LMBR1: variants seen among roughly 807,000 people sequenced by gnomAD.
The protein encoded by LMBR1 is limb region 1 protein homolog.
A neutral mutation model predicts 73.9 loss-of-function variants in LMBR1; 52 were observed. The ratio of observed to expected loss-of-function variants is 0.70; its 90% CI spans 0.56 to 0.89. The LOEUF is 0.89. Among genes scored for constraint, LMBR1 ranks in the 40% least tolerant of loss-of-function variants. LMBR1 has a pLI of 0.00. For missense variants in LMBR1, 539 were observed against 579.8 expected (o/e 0.93, Z 0.72); for synonymous variants, 215 against 209.4 (o/e 1.03, Z -0.23).
chr7:156,767,167 G>A (rs549250432), intron 5 of LMBR1, among the ~76,000 whole-genome samples: 10 of 152,186 alleles, frequency 6.6e-5, no homozygotes, highest in East Asian at 1.9e-4. Context: ...TGTAAAAGCC[G>A]TACAGACCCC....
chr7:156,817,492 CAG>C (rs72370655), intron 4 of LMBR1, among the ~76,000 whole-genome samples: 1,794 of 146,338 alleles, frequency 0.012, 46 homozygotes, highest in African/African-American at 0.04. Context: ...TAAAAAGAGA[CAG>C]AGAGAGAGAG....
intron 4 of LMBR1, among the ~76,000 whole-genome samples, chr7:156,805,195 C>CT (rs1298906960): frequency 6.9e-6 from 1 of 144,322 alleles, no homozygotes. Context: ...ATCTGTTTAT[C>CT]TTTATGCTAA....
intron 16 of LMBR1, among the ~76,000 whole-genome samples, chr7:156,686,765 G>T (rs1239519573): frequency 6.6e-6 from 1 of 152,192 alleles, no homozygotes; most frequent in Non-Finnish European, 1.5e-5. Context: ...CTCATTTAGC[G>T]AATGGAAAGT....
chr7:156,872,310 T>C (rs1276139830), intron 1 of LMBR1: 1 of 151,960 alleles, frequency 6.6e-6, no homozygotes, highest in Non-Finnish European at 1.5e-5. Flanking sequence ...AAAAGGAAAT[T>C]AGTAAAACAA....
At chr7:156,718,325 A>G (rs1246047613) in intron 15 of LMBR1, among the ~76,000 whole-genome samples, 3 of 151,768 alleles carry the variant, frequency 2.0e-5, no homozygotes, top group Non-Finnish European at 1.5e-5. Context: ...ACTTGAACCC[A>G]GGAGGCAGAG....
intron 16 of LMBR1, among the ~76,000 whole-genome samples, chr7:156,686,860 T>C (rs1402500309): frequency 6.6e-6 from 1 of 152,220 alleles, no homozygotes; most frequent in African/African-American, 2.4e-5. Context: ...AGACATCTGA[T>C]AAAAAGGACT....
intron 4 of LMBR1, among the ~76,000 whole-genome samples, chr7:156,804,093 T>C (rs1444356641): frequency 2.0e-5 from 3 of 151,946 alleles, no homozygotes; most frequent in Admixed American, 2.0e-4. Context: ...TGTATACATA[T>C]GTAACAAGCC....
chr7:156,892,563 C>CTGGG (rs1803251481), intron 1 of LMBR1: 1 of 182,440 alleles, frequency 5.5e-6, no homozygotes, highest in Admixed American at 6.2e-5. Flanking sequence ...GAGGAAGCCC[C>CTGGG]TGGGGTCCCA....
intron 4 of LMBR1, among the ~76,000 whole-genome samples, chr7:156,671,557 C>T (rs1802537321): frequency 6.6e-6 from 1 of 151,968 alleles, no homozygotes; most frequent in African/African-American, 2.4e-5. Flanking sequence ...ATGCAGATGT[C>T]ATCATAGGTC....
intron 4 of LMBR1, among the ~76,000 whole-genome samples, chr7:156,812,653 G>C (rs1460468435): frequency 6.6e-6 from 1 of 152,116 alleles, no homozygotes; most frequent in Non-Finnish European, 1.5e-5. Flanking sequence ...CAGCCTGTAA[G>C]ACTCTACACA....
chr7:156,780,678 C>T (rs1046703509), intron 5 of LMBR1, among the ~76,000 whole-genome samples: 6 of 152,164 alleles, frequency 3.9e-5, no homozygotes, highest in African/African-American at 1.2e-4. Flanking sequence ...TTGCTTTATA[C>T]GTGCTTACTG....
intron 15 of LMBR1, among the ~76,000 whole-genome samples, chr7:156,702,990 C>G (rs910453853): frequency 5.3e-5 from 8 of 152,290 alleles, no homozygotes; most frequent in African/African-American, 1.7e-4. Flanking sequence ...GGAATGAATC[C>G]CCCATATGGA....
chr7:156,675,884 G>A, downstream of LMBR1: 2 of 1,607,170 alleles, frequency 1.2e-6, no homozygotes, highest in Non-Finnish European at 1.7e-6. Context: ...CTGGCAGCCT[G>A]GCAACCAGCA....
intron 15 of LMBR1, among the ~76,000 whole-genome samples, chr7:156,711,106 C>T (rs865846955): frequency 2.0e-5 from 3 of 152,222 alleles, no homozygotes; most frequent in East Asian, 1.9e-4. Context: ...GTCAGGAGAT[C>T]GAGACCATCC....
chr7:156,724,039 T>C (rs1410621280), intron 15 of LMBR1, 73 bp downstream of exon 15: 32 of 1,049,628 alleles, frequency 3.0e-5, no homozygotes, highest in Non-Finnish European at 4.3e-5. Context: ...TATGAGTAAA[T>C]GTTAAATAAG....
intron 5 of LMBR1, among the ~76,000 whole-genome samples, chr7:156,794,615 T>C (rs1248632258): frequency 6.6e-6 from 1 of 152,240 alleles, no homozygotes; most frequent in African/African-American, 2.4e-5. Flanking sequence ...TTCAACTAGA[T>C]TGTTATAAAA....
At chr7:156,820,463 T>A (rs923109798) in intron 4 of LMBR1, among the ~76,000 whole-genome samples, 2 of 152,196 alleles carry the variant, frequency 1.3e-5, no homozygotes, top group Non-Finnish European at 2.9e-5. Flanking sequence ...TTTTGCTGAT[T>A]GTAACTAGTG....
chr7:156,868,662 CA>C (rs1002985788), intron 1 of LMBR1, among the ~76,000 whole-genome samples: 54 of 140,386 alleles, frequency 3.8e-4, no homozygotes, highest in Non-Finnish European at 3.3e-4. Flanking sequence ...GATGCCATCT[CA>C]AAAAAAAAAA....
At chr7:156,727,725 A>G (rs1816046695) in intron 12 of LMBR1, among the ~76,000 whole-genome samples, 1 of 152,234 alleles carries the variant, frequency 6.6e-6, no homozygotes, top group Admixed American at 6.5e-5. Flanking sequence ...AACACTTGAA[A>G]AAAGGCCCTG....
Sources: allele counts gnomAD v4.1 joint callset (sites outside exome capture counted in the v4.1 genomes callset), GRCh38; gene constraint gnomAD v4.1.1; transcripts MANE v1.5; gene names NCBI Gene and HGNC (gene_info 2026-07-23, HGNC 2026-07-21).